SGCD: variants seen among roughly 807,000 people sequenced by gnomAD.
The protein encoded by SGCD is delta-sarcoglycan.
Under a neutral mutation model 36.6 loss-of-function variants are expected in SGCD, and 18 were observed. That is an observed-to-expected ratio of 0.49 (90% CI 0.34 to 0.73). SGCD has a LOEUF of 0.73. Among genes scored for constraint, SGCD ranks in the 30% least tolerant of loss-of-function variants. The probability of loss-of-function intolerance (pLI) is 0.01; values close to 1 mark genes in which losing one functional copy is unlikely to be tolerated. For synonymous variants in SGCD, 133 were observed against 130.6 expected, an observed-to-expected ratio of 1.02 and a Z score of -0.12; for missense variants, 387 against 346.7, an observed-to-expected ratio of 1.12 and a Z score of -0.92.
chr5:156,052,354 G>A (rs924349039), intron 1 of SGCD, among the ~76,000 whole-genome samples: 2 of 146,252 alleles, frequency 1.4e-5, no homozygotes, highest in African/African-American at 4.9e-5. Context: ...AGATGAAAGG[G>A]GAGAGGCTGG....
Position 156,381,047 on chromosome 5 carries a change from C to T in SGCD, c.192+36370C>T, listed in dbSNP as rs184419380. On this transcript the variant is annotated intron_variant, in intron 3 of 8. Coordinates refer to ENST00000337851, the MANE Select transcript of SGCD (RefSeq NM_000337.6). ...TCTCATTCCTCTCCCATGACATCAG[C>T]TGAAAATAATGGCAATTGAGAAATC... Among the ~76,000 whole-genome samples the T allele has an allele frequency of 3.9e-5, 6 of 152,216 alleles. 1 individual carries two copies. Among genetic ancestry groups the T allele is most frequent in the Admixed American group, 3.3e-4 (5 of 15,272 alleles).
chr5:156,163,956 G>A (rs1049627059), intron 3 of SGCD, among the ~76,000 whole-genome samples: 1 of 149,624 alleles, frequency 6.7e-6, no homozygotes, highest in African/African-American at 2.5e-5. Context: ...CCAGGAGGTG[G>A]AGCTTGCAGT....
the SGCD span, among the ~76,000 whole-genome samples, chr5:155,857,589 C>A: frequency 6.6e-6 from 1 of 151,976 alleles, no homozygotes; most frequent in East Asian, 1.9e-4. Flanking sequence ...CTAGAAACTG[C>A]AATTAATAGT....
chr5:156,012,241 C>G (rs1000003802), intron 1 of SGCD, among the ~76,000 whole-genome samples: 1 of 152,158 alleles, frequency 6.6e-6, no homozygotes, highest in African/African-American at 2.4e-5. Context: ...GAAAGAAATT[C>G]TCACCACGCT....
At chr5:156,716,863 T>C (rs1004622542) in intron 7 of SGCD, among the ~76,000 whole-genome samples, 1 of 152,168 alleles carries the variant, frequency 6.6e-6, no homozygotes, top group Admixed American at 6.5e-5. Context: ...AGAGAAGCTC[T>C]TTAGGCACAC....
chr5:156,198,210 C>G (rs1334258293), intron 3 of SGCD, among the ~76,000 whole-genome samples: 4 of 151,982 alleles, frequency 2.6e-5, no homozygotes, highest in African/African-American at 9.7e-5. Flanking sequence ...AAAAAAAGAT[C>G]TTTTCCAGTA....
chr5:156,422,350 T>C (rs1004807737), intron 3 of SGCD, among the ~76,000 whole-genome samples: 1 of 152,080 alleles, frequency 6.6e-6, no homozygotes, highest in African/African-American at 2.4e-5. Context: ...TTGTTTTTTT[T>C]CTTCTGTGTT....
intron 7 of SGCD, among the ~76,000 whole-genome samples, chr5:156,648,426 C>T (rs1763316334): frequency 6.6e-6 from 1 of 152,144 alleles, no homozygotes; most frequent in African/African-American, 2.4e-5. Flanking sequence ...AAGATCTATG[C>T]TTTGCTTAAA....
intron 3 of SGCD, among the ~76,000 whole-genome samples, chr5:156,142,407 A>G (rs1036356805): frequency 3.3e-5 from 5 of 152,206 alleles, no homozygotes; most frequent in African/African-American, 7.2e-5. Context: ...GCATCTGAAA[A>G]CGTAGCAGCT....
chr5:155,741,260 A>G, the SGCD span, among the ~76,000 whole-genome samples: 1 of 152,216 alleles, frequency 6.6e-6, no homozygotes, highest in African/African-American at 2.4e-5. Flanking sequence ...CAGAGAAAAT[A>G]AATGGTAAAT....
At chr5:155,896,483 A>C (rs1415501716) in intron 1 of SGCD, among the ~76,000 whole-genome samples, 1 of 151,404 alleles carries the variant, frequency 6.6e-6, no homozygotes, top group Non-Finnish European at 1.5e-5. Context: ...AAAAAAAAAA[A>C]AAAAACACAA....
chr5:156,433,754 A>C (rs1258421041), intron 3 of SGCD, among the ~76,000 whole-genome samples: 1 of 152,196 alleles, frequency 6.6e-6, no homozygotes, highest in Non-Finnish European at 1.5e-5. Context: ...ATGCAGCTTG[A>C]TAATAGGGTA....
At chr5:155,831,013 C>T in the SGCD span, among the ~76,000 whole-genome samples, 1 of 152,224 alleles carries the variant, frequency 6.6e-6, no homozygotes, top group African/African-American at 2.4e-5. Context: ...GAACCCCATA[C>T]ATTCATTGAG....
intron 3 of SGCD, among the ~76,000 whole-genome samples, chr5:156,438,189 T>G (rs902626300): frequency 6.6e-6 from 1 of 152,178 alleles, no homozygotes; most frequent in Admixed American, 6.6e-5. Flanking sequence ...TAATGTAGTG[T>G]TCAGGACAAG....
At chr5:156,349,264 T>C (rs1024492573) in intron 3 of SGCD, among the ~76,000 whole-genome samples, 5 of 151,960 alleles carry the variant, frequency 3.3e-5, no homozygotes, top group Non-Finnish European at 5.9e-5. Flanking sequence ...TGGAACCTAA[T>C]TAAACTAAAA....
intron 3 of SGCD, among the ~76,000 whole-genome samples, chr5:156,143,430 G>A (rs891109733): frequency 1.3e-5 from 2 of 152,224 alleles, no homozygotes; most frequent in African/African-American, 4.8e-5. Flanking sequence ...TAGTGGAACT[G>A]TGAGAGGAGC....
chr5:156,263,080 T>A (rs935906506), intron 3 of SGCD, among the ~76,000 whole-genome samples: 3 of 152,096 alleles, frequency 2.0e-5, no homozygotes, highest in African/African-American at 7.2e-5. Flanking sequence ...TACCTTTTTT[T>A]ATCCTTTTTG....
chr5:156,264,699 T>C (rs561223127), intron 3 of SGCD, among the ~76,000 whole-genome samples: 1 of 152,248 alleles, frequency 6.6e-6, no homozygotes, highest in Admixed American at 6.5e-5. Flanking sequence ...ACTGAAAAGT[T>C]ACCTGAGAGA....
At chr5:155,808,122 C>G in the SGCD span, among the ~76,000 whole-genome samples, 1 of 152,174 alleles carries the variant, frequency 6.6e-6, no homozygotes, top group Non-Finnish European at 1.5e-5. Context: ...GATTTCATCT[C>G]CCTAACTTGT....
Sources: gnomAD v4.1 joint callset for allele counts (sites outside exome capture counted in the v4.1 genomes callset) on GRCh38, gnomAD v4.1.1 for gene constraint, MANE v1.5 for transcripts, NCBI Gene and HGNC (gene_info 2026-07-23, HGNC 2026-07-21) for gene names.